Variants in CAPZB observed in about 807,000 individuals in gnomAD.
The protein encoded by CAPZB is capping actin protein of muscle Z-line subunit beta.
In CAPZB, 2 loss-of-function variants were observed where a neutral mutation model predicts 38.1. The observed-to-expected ratio is 0.05, with a 90% CI of 0.02 to 0.17. The LOEUF (loss-of-function observed/expected upper bound fraction) is 0.17. CAPZB is among the 10% of genes least tolerant of loss of function. CAPZB has a pLI of 1.00. For synonymous variants in CAPZB, 107 were observed against 127.4 expected, an observed-to-expected ratio of 0.84 and a Z score of 1.08; for missense variants, 161 against 334.2, an observed-to-expected ratio of 0.48 and a Z score of 4.04.
At chr1:19,431,593 C>T (rs538883623) in intron 1 of CAPZB, among the ~76,000 whole-genome samples, 58 of 151,960 alleles carry the variant, frequency 3.8e-4, no homozygotes, top group African/African-American at 1.3e-3. Flanking sequence ...TGGTGGCGGG[C>T]GCCTGTAGTC....
intron 1 of CAPZB, among the ~76,000 whole-genome samples, chr1:19,469,271 T>A (rs556522578): frequency 6.6e-6 from 1 of 152,178 alleles, no homozygotes; most frequent in African/African-American, 2.4e-5. Context: ...GCTCTACAGA[T>A]GAACATCTTT....
chr1:19,477,643 T>C (rs1044968257), intron 1 of CAPZB, among the ~76,000 whole-genome samples: 2 of 152,236 alleles, frequency 1.3e-5, no homozygotes, highest in Admixed American at 6.5e-5. Flanking sequence ...TGCCAATCAC[T>C]GCTGCAACTG....
chr1:19,449,339 C>T (rs1558271905), intron 1 of CAPZB: 4 of 1,018,056 alleles, frequency 3.9e-6, no homozygotes, highest in Admixed American at 5.0e-5. Flanking sequence ...AGCTGAGGAA[C>T]GGGGAAGATT....
At chr1:19,443,248 T>C (rs938582466) in intron 1 of CAPZB, among the ~76,000 whole-genome samples, 1 of 151,264 alleles carries the variant, frequency 6.6e-6, no homozygotes, top group East Asian at 1.9e-4. Flanking sequence ...ACAAAAAAAT[T>C]AGCCAGGCAT....
In CAPZB at chr1:19,339,628, G is replaced by T; in HGVS notation, c.732-11C>A. 1 of 1,604,642 alleles carries T rather than the reference G, an allele frequency of 6.2e-7. No homozygotes were observed. The highest frequency in any genetic ancestry group is 8.5e-7 in the Non-Finnish European group (1 of 1,171,358). Reference sequence around the variant, plus strand: ...AAAGTCTGCACAGACCTGCAAGGGAGGAAAGGCGTTATCAGCAGATTGAAC... The same window carrying T: ...AAAGTCTGCACAGACCTGCAAGGGATGAAAGGCGTTATCAGCAGATTGAAC... On this transcript the variant is annotated splice_polypyrimidine_tract_variant and intron_variant, in intron 8 of 8. Coordinates refer to ENST00000264202, the MANE Select transcript of CAPZB (RefSeq NM_004930.5).
intron 1 of CAPZB, among the ~76,000 whole-genome samples, chr1:19,469,798 C>A (rs921125879): frequency 2.1e-4 from 32 of 149,066 alleles, no homozygotes; most frequent in South Asian, 2.2e-4. Flanking sequence ...CCGCCCACTG[C>A]AAGCAACAGA....
chr1:19,430,225 G>A (rs1036767187), intron 1 of CAPZB, among the ~76,000 whole-genome samples: 1 of 152,082 alleles, frequency 6.6e-6, no homozygotes, highest in Non-Finnish European at 1.5e-5. Context: ...CCTCTCCCTG[G>A]CATATTTATT....
intron 6 of CAPZB, among the ~76,000 whole-genome samples, chr1:19,355,122 A>G (rs2094013294): frequency 6.6e-6 from 1 of 152,180 alleles, no homozygotes; most frequent in South Asian, 2.1e-4. Context: ...ATGACGGCTG[A>G]CATTCACCTT....
intron 1 of CAPZB, among the ~76,000 whole-genome samples, chr1:19,448,062 G>T (rs921980723): frequency 2.6e-5 from 4 of 152,216 alleles, no homozygotes; most frequent in Admixed American, 6.5e-5. Context: ...CACCTCTCAG[G>T]CCTGGCACAG....
intron 1 of CAPZB, among the ~76,000 whole-genome samples, chr1:19,431,367 GA>G (rs2100578922): frequency 6.6e-6 from 1 of 152,338 alleles, no homozygotes; most frequent in East Asian, 1.9e-4. Flanking sequence ...TTTCGGATAA[GA>G]AACCTGTAGT....
intron 1 of CAPZB, among the ~76,000 whole-genome samples, chr1:19,457,425 T>C (rs1285163735): frequency 1.3e-5 from 2 of 152,202 alleles, no homozygotes; most frequent in African/African-American, 4.8e-5. Flanking sequence ...GAGGGCACTG[T>C]GTGATCCACC....
At chr1:19,405,634 G>A (rs1425351611) in intron 2 of CAPZB, among the ~76,000 whole-genome samples, 1 of 151,774 alleles carries the variant, frequency 6.6e-6, no homozygotes, top group Non-Finnish European at 1.5e-5. Flanking sequence ...TCTGAACTAG[G>A]AGTGTTGTTT....
chr1:19,441,330 T>C (rs1349380611), intron 1 of CAPZB, among the ~76,000 whole-genome samples: 4 of 152,140 alleles, frequency 2.6e-5, no homozygotes, highest in Non-Finnish European at 5.9e-5. Context: ...GGGACATTTC[T>C]TGGAAATAAA....
intron 2 of CAPZB, among the ~76,000 whole-genome samples, chr1:19,388,759 C>T (rs1286884338): frequency 6.6e-6 from 1 of 152,206 alleles, no homozygotes; most frequent in Non-Finnish European, 1.5e-5. Context: ...GAACCTTAGG[C>T]AAAGCCCAAG....
rs538397390 is a variant in CAPZB at position 19,484,383 on chromosome 1, T to C, written c.3+1053A>G. On this transcript the variant is annotated intron_variant, in intron 1 of 8. Transcript: ENST00000264202. ...TCCTTGTCCTGTGGGCCACCCATCC[T>C]CGCCCCTCGGCTCCCACTCAGGCCC... 289 of 1,534,844 alleles carry C rather than the reference T, an allele frequency of 1.9e-4. No individual in the cohort carries two copies. The African/African-American group carries it at 3.7e-3, about 20-fold the overall frequency.
intron 1 of CAPZB, among the ~76,000 whole-genome samples, chr1:19,471,865 CAAAAAAAAAAAAA>C (rs59289947): frequency 8.2e-5 from 11 of 134,462 alleles, no homozygotes; most frequent in African/African-American, 3.3e-4. Context: ...GACTCCGTCT[CAAAAAAAAAAAAA>C]AAAAAAAAAA....
intron 2 of CAPZB, among the ~76,000 whole-genome samples, chr1:19,411,757 C>G (rs1404947939): frequency 1.3e-5 from 2 of 152,204 alleles, no homozygotes; most frequent in East Asian, 1.9e-4. Context: ...TATGAGGGAG[C>G]TGGTCAGGTA....
chr1:19,340,092 C>T (rs955404200), intron 8 of CAPZB, among the ~76,000 whole-genome samples: 18 of 152,218 alleles, frequency 1.2e-4, no homozygotes, highest in Non-Finnish European at 2.2e-4. Flanking sequence ...GCGGGTTCCT[C>T]TATAAAAGCT....
intron 1 of CAPZB, among the ~76,000 whole-genome samples, chr1:19,468,329 A>G (rs1388982178): frequency 6.6e-6 from 1 of 152,256 alleles, no homozygotes; most frequent in East Asian, 1.9e-4. Context: ...TGATACTATC[A>G]GGTTACAAAG....
Sources: gnomAD v4.1 joint callset for allele counts (sites outside exome capture counted in the v4.1 genomes callset) on GRCh38, gnomAD v4.1.1 for gene constraint, MANE v1.5 for transcripts, NCBI Gene and HGNC (gene_info 2026-07-23, HGNC 2026-07-21) for gene names.